TIMP2: variants seen among roughly 807,000 people sequenced by gnomAD.
TIMP2 encodes the protein TIMP metallopeptidase inhibitor 2.
TIMP2 carries 5 observed loss-of-function variants against 24.3 expected under a neutral mutation model. The observed-to-expected ratio is 0.21, with a 90% confidence interval of 0.11 to 0.43. TIMP2 has a LOEUF of 0.43. Ranked by LOEUF, TIMP2 falls within the 20% of genes least tolerant of loss-of-function variation. The pLI, the probability that TIMP2 is intolerant of heterozygous loss-of-function variation, is 1.00. For synonymous variants in TIMP2, 130 were observed against 123.2 expected, an observed-to-expected ratio of 1.06 and a Z score of -0.37; for missense variants, 221 against 297.5, an observed-to-expected ratio of 0.74 and a Z score of 1.89.
At chr17:78,902,354 C>T (rs945702873) in intron 1 of TIMP2, among the ~76,000 whole-genome samples, 4 of 152,186 alleles carry the variant, frequency 2.6e-5, no homozygotes, top group Admixed American at 2.0e-4. Context: ...GTGATCCACT[C>T]GCCTCGGCCT....
chr17:78,924,514 C>G lies in TIMP2; in HGVS notation c.130+445G>C, dbSNP rs981606445. Among the ~76,000 whole-genome samples, 4 of 152,190 alleles carry G rather than the reference C, an allele frequency of 2.6e-5. No individual in the cohort carries two copies. Among genetic ancestry groups the G allele is most frequent in the Non-Finnish European group, 5.9e-5 (4 of 68,024 alleles). ...TGGGAGAAGCCCCAGCAGAGAAGCC[C>G]TTCCCCACCCAGCCCCAAGCCCAGA... On this transcript the variant is annotated intron_variant, in intron 1 of 4. Coordinates refer to ENST00000262768, the MANE Select transcript of TIMP2 (RefSeq NM_003255.5). The surrounding 1 kb of genome is among the most constrained non-coding windows in gnomAD (Gnocchi z 5.3).
At chr17:78,910,059 C>T (rs1274052937) in intron 1 of TIMP2, among the ~76,000 whole-genome samples, 1 of 152,148 alleles carries the variant, frequency 6.6e-6, no homozygotes, top group Non-Finnish European at 1.5e-5. Context: ...TGTTTAGATA[C>T]ATACAATGTA....
intron 1 of TIMP2, among the ~76,000 whole-genome samples, chr17:78,906,076 A>G (rs1487576176): frequency 6.6e-6 from 1 of 152,244 alleles, no homozygotes; most frequent in Non-Finnish European, 1.5e-5. Context: ...ACCTTAATTT[A>G]CAAATACTTT....
chr17:78,871,466 A>AG (rs1555648928), intron 2 of TIMP2, among the ~76,000 whole-genome samples: 14,572 of 111,366 alleles, frequency 0.13, 1,083 homozygotes, highest in African/African-American at 0.16. Context: ...AAAAAAAAAA[A>AG]AAAAGAAAAG....
chr17:78,876,985 A>G (rs77330959), intron 1 of TIMP2, among the ~76,000 whole-genome samples: 3,923 of 152,120 alleles, frequency 0.026, 144 homozygotes, highest in African/African-American at 0.089. Flanking sequence ...TCTCTTTTCC[A>G]TCCTGCTGTC....
intron 1 of TIMP2, among the ~76,000 whole-genome samples, chr17:78,911,015 T>C (rs954142016): frequency 2.0e-5 from 3 of 152,182 alleles, no homozygotes; most frequent in Non-Finnish European, 2.9e-5. Context: ...GCCGTTCTAT[T>C]TGTAGTTTTT....
chr17:78,878,729 G>A (rs532125836), intron 1 of TIMP2, among the ~76,000 whole-genome samples: 34 of 152,046 alleles, frequency 2.2e-4, no homozygotes, highest in African/African-American at 8.2e-4. Flanking sequence ...GGAAGTGGGG[G>A]TGAGGGGCAG....
chr17:78,868,664 C>T (rs1438968552), intron 3 of TIMP2, among the ~76,000 whole-genome samples: 1 of 152,086 alleles, frequency 6.6e-6, no homozygotes, highest in African/African-American at 2.4e-5. Flanking sequence ...CGGCTGCCGG[C>T]CACATGTGGC....
rs960379572 is a variant in TIMP2, at chr17:78,855,735, C to T, written c.595G>A (p.Gly199Ser). The change falls in exon 5 of 5, where the codon GGC becomes AGC. Residue 199 changes from glycine (G) to serine (S), a missense_variant. By Grantham distance (56) the Gly-to-Ser change is moderately conservative. Coordinates refer to ENST00000262768, the MANE Select transcript of TIMP2 (RefSeq NM_003255.5). This position sits in a 1 kb window ranked among gnomAD's most constrained non-coding sequence, Gnocchi z 6.0. ...KFFACIKRSD[G>S]SCAWYRGAAP... ...GCGCCGCGGTACCACGCACAGGAGCCGTCACTTCTCTTGATGCAGGCGAAG... is the reference window on the plus strand; with the variant it reads ...GCGCCGCGGTACCACGCACAGGAGCTGTCACTTCTCTTGATGCAGGCGAAG... The T allele has an allele frequency of 6.8e-6, 11 of 1,614,178 alleles. No homozygotes were observed. Among genetic ancestry groups the T allele is most frequent in the Non-Finnish European group, 9.3e-6 (11 of 1,180,038 alleles).
chr17:78,910,911 G>A (rs1599175057), intron 1 of TIMP2, among the ~76,000 whole-genome samples: 1 of 152,288 alleles, frequency 6.6e-6, no homozygotes, highest in East Asian at 1.9e-4. Flanking sequence ...TGTGAACAGT[G>A]CTGCCAGGAC....
At chr17:78,901,558 G>A (rs1599169916) in intron 1 of TIMP2, among the ~76,000 whole-genome samples, 1 of 152,162 alleles carries the variant, frequency 6.6e-6, no homozygotes, top group South Asian at 2.1e-4. Flanking sequence ...AAAGCCAAAG[G>A]AGGTGAGGTG....
intron 1 of TIMP2, among the ~76,000 whole-genome samples, chr17:78,900,631 T>G (rs2070076213): frequency 6.6e-6 from 1 of 152,170 alleles, no homozygotes; most frequent in Non-Finnish European, 1.5e-5. Context: ...GCCTGAGCTT[T>G]CACACCTGAC....
chr17:78,914,310 G>A (rs1201757488), intron 1 of TIMP2, among the ~76,000 whole-genome samples: 5 of 149,196 alleles, frequency 3.4e-5, no homozygotes, highest in East Asian at 2.0e-4. Flanking sequence ...ATGGAGTCTC[G>A]CTCTGTCTCC....
chr17:78,920,540 G>C lies in TIMP2; in HGVS notation c.130+4419C>G, dbSNP rs939494207. Among the ~76,000 whole-genome samples the C allele has an allele frequency of 1.3e-5, 2 of 152,056 alleles. No individual in the cohort carries two copies. Among genetic ancestry groups the C allele is most frequent in the African/African-American group, 4.8e-5 (2 of 41,384 alleles). ...CTTGGGAGCTGCCAGTAATTCAGGGGTCAGTGACTCCCCTGACAGATCCTG... is the reference window on the plus strand; with the variant it reads ...CTTGGGAGCTGCCAGTAATTCAGGGCTCAGTGACTCCCCTGACAGATCCTG... On this transcript the variant is annotated intron_variant, in intron 1 of 4. Transcript: ENST00000262768. The surrounding 1 kb of genome is among the most constrained non-coding windows in gnomAD (Gnocchi z 4.5).
Position 78,920,287 on chromosome 17 carries a change from G to A in TIMP2, c.130+4672C>T, listed in dbSNP as rs558358491. On this transcript the variant is annotated intron_variant, in intron 1 of 4. Transcript: ENST00000262768. This position sits in a 1 kb window ranked among gnomAD's most constrained non-coding sequence, Gnocchi z 4.5. ...CCTGGCTGCGACAGCAGGGAGGAGG[G>A]AGGCAGTACCCAAGCCCACCTGCAG... Among the ~76,000 whole-genome samples, 67 of 152,306 alleles carry A rather than the reference G, an allele frequency of 4.4e-4. No homozygotes were observed. Among genetic ancestry groups the A allele is most frequent in the African/African-American group, 1.5e-3 (61 of 41,566 alleles).
rs2069945662 is a variant in TIMP2 at position 78,893,412 on chromosome 17, C to T, written c.131-19493G>A. On this transcript the variant is annotated intron_variant, in intron 1 of 4. Coordinates refer to ENST00000262768, the MANE Select transcript of TIMP2 (RefSeq NM_003255.5). ...GGGTGTGTATGCAGGGGTGTGTGTG[C>T]ATAGGGGTGTGTGTGCAGGGGTGTG... Among the ~76,000 whole-genome samples, 5 of 65,808 alleles carry T rather than the reference C, an allele frequency of 7.6e-5. No individual in the cohort carries two copies. In the Middle Eastern group the frequency reaches 0.036, roughly 470 times the overall value. The allele number at this position is 65,808 out of a possible 152,430, so 43.2% of individuals were successfully genotyped here. A position where few individuals can be genotyped will look rare whatever the true frequency, so the allele number is the denominator to read the frequency against.
chr17:78,857,708 C>A (rs1267842461), intron 3 of TIMP2, 62 bp from the exon 4 acceptor site: 2 of 1,607,578 alleles, frequency 1.2e-6, no homozygotes, highest in Admixed American at 1.7e-5. Context: ...CTGCCCAGCT[C>A]CTCCACCCGG....
Position 78,853,408 on chromosome 17 carries a change from G to C in TIMP2, c.*2259C>G, listed in dbSNP as rs1050289801. The C allele has an allele frequency of 6.6e-6, 1 of 152,164 alleles. No homozygotes were observed. Among genetic ancestry groups the C allele is most frequent in the East Asian group, 1.9e-4 (1 of 5,194 alleles). 9.4% of individuals were successfully genotyped at this position (152,164 alleles called of 1,614,324 possible). ...CTATTTATTGTGAAGGTATTTGAGC[G>C]GCTTCCTCTGTCAGCTGCCACCCGG... On this transcript the variant is annotated 3_prime_UTR_variant, in exon 5 of 5. Transcript: ENST00000262768.
intron 1 of TIMP2, among the ~76,000 whole-genome samples, chr17:78,915,893 T>G (rs2070253509): frequency 6.6e-6 from 1 of 152,220 alleles, no homozygotes; most frequent in Non-Finnish European, 1.5e-5. Context: ...AGTGGGCCTG[T>G]GCCTCCGTTG....
Sources: allele counts gnomAD v4.1 joint callset (sites outside exome capture counted in the v4.1 genomes callset), GRCh38; gene constraint gnomAD v4.1.1; non-coding constraint Gnocchi (gnomAD v3.1); transcripts MANE v1.5; gene names NCBI Gene and HGNC (gene_info 2026-07-23, HGNC 2026-07-21).